Variants in RBFOX1 observed in about 807,000 individuals in gnomAD.
RBFOX1 encodes the protein RNA binding protein fox-1 homolog 1.
RBFOX1 carries 8 observed loss-of-function variants against 57.7 expected under a neutral mutation model. That is an observed-to-expected ratio of 0.14 (90% CI 0.08 to 0.25). The LOEUF (loss-of-function observed/expected upper bound fraction) is 0.25, where lower values mean the gene tolerates loss of function less well. Among genes scored for constraint, RBFOX1 ranks in the 10% least tolerant of loss-of-function variants. The pLI is 1.00. For missense variants in RBFOX1, 611 were observed against 548.5 expected (o/e 1.11, Z -1.14); for synonymous variants, 326 against 222.4 (o/e 1.47, Z -4.15).
In RBFOX1 at chr16:5,692,690, C is replaced by T. The variant is rs115192058; in HGVS notation, c.318+93729C>T. On this transcript the variant is annotated intron_variant, in intron 3 of 19. Coordinates refer to the RBFOX1 transcript ENST00000641259. ...GAATCCCTGGCTGGGGAGCTCAGTG[C>T]CTCATCTAGTAGTTCTTTGTGTACT... 8.1e-3 allele frequency among the ~76,000 whole-genome samples: 1,236 copies of T among 152,194 alleles called. 26 individuals are homozygous for T. Among genetic ancestry groups the T allele is most frequent in the African/African-American group, 0.029 (1,185 of 41,520 alleles).
intron 3 of RBFOX1, among the ~76,000 whole-genome samples, chr16:6,956,874 C>G (rs1157086435): frequency 2.0e-5 from 3 of 152,014 alleles, no homozygotes; most frequent in East Asian, 3.9e-4. Flanking sequence ...GACTTCTTTC[C>G]TCATTTGTCT....
intron 4 of RBFOX1, among the ~76,000 whole-genome samples, chr16:7,056,203 C>G (rs1285698480): frequency 6.6e-6 from 1 of 152,156 alleles, no homozygotes; most frequent in African/African-American, 2.4e-5. Flanking sequence ...GGGCATCAGC[C>G]AGTTACTCCC....
Position 5,632,271 on chromosome 16 carries a change from A to C in RBFOX1, c.318+33310A>C, listed in dbSNP as rs374058515. On this transcript the variant is annotated intron_variant, in intron 3 of 19. Coordinates refer to the RBFOX1 transcript ENST00000641259. ...AGTCTGATGAACGAGAGTAAGGATG[A>C]ATATGGGAGTTACACCTGCTGGGTT... Among the ~76,000 whole-genome samples, 146 of 152,370 alleles carry C rather than the reference A, an allele frequency of 9.6e-4. 4 individuals are homozygous for C. In the South Asian group the frequency reaches 0.029, roughly 31 times the overall value.
At chr16:7,294,985 T>G (rs1372328903) in intron 4 of RBFOX1, among the ~76,000 whole-genome samples, 2 of 152,194 alleles carry the variant, frequency 1.3e-5, no homozygotes, top group Non-Finnish European at 2.9e-5. Flanking sequence ...AAAAATAATC[T>G]ACCTTGCAGG....
At chr16:6,591,261 C>A (rs1003381103) in intron 2 of RBFOX1, among the ~76,000 whole-genome samples, 2 of 152,146 alleles carry the variant, frequency 1.3e-5, no homozygotes, top group Admixed American at 6.6e-5. Context: ...GCCTGGCCAA[C>A]ATGATGAAAC....
intron 3 of RBFOX1, among the ~76,000 whole-genome samples, chr16:6,715,127 G>A (rs1481874481): frequency 6.6e-6 from 1 of 152,102 alleles, no homozygotes; most frequent in Non-Finnish European, 1.5e-5. Flanking sequence ...TTTGCCACTT[G>A]GGACTAAGCC....
rs759729032 is a variant in RBFOX1, at chr16:6,401,640, C to G, written c.-64+84583C>G. ...TTGTAGCTTTCATTTACCCATACCC[C>G]ATTTCAAATCCCTTGTATAATGGAA... On this transcript the variant is annotated intron_variant, in intron 2 of 15. Coordinates refer to ENST00000550418, the MANE Select transcript of RBFOX1 (RefSeq NM_018723.4). Among the ~76,000 whole-genome samples the G allele has an allele frequency of 2.4e-4, 37 of 152,130 alleles. 1 individual carries two copies. The highest frequency in any genetic ancestry group is 2.1e-4 in the Non-Finnish European group (14 of 68,022).
chr16:6,668,407 C>A (rs75121598), intron 3 of RBFOX1, among the ~76,000 whole-genome samples: 1 of 152,188 alleles, frequency 6.6e-6, no homozygotes, highest in South Asian at 2.1e-4. Context: ...TACAAAGCCA[C>A]GTGTTGTGTG....
In RBFOX1 at chr16:7,671,545, G is replaced by C. The variant is rs780590680; in HGVS notation, c.931-5229G>C. On this transcript the variant is annotated intron_variant, in intron 13 of 15. Transcript: ENST00000550418. ...TTTGCATTGAAAACATTACATTTCT[G>C]TTTCCTTATAGAGTAGTGTATCAAG... 15 of 1,603,186 alleles carry C rather than the reference G, an allele frequency of 9.4e-6. No homozygotes were observed. The South Asian group carries it at 1.5e-4, about 17-fold the overall frequency.
At chr16:6,805,432 T>C (rs1218212037) in intron 3 of RBFOX1, among the ~76,000 whole-genome samples, 1 of 152,080 alleles carries the variant, frequency 6.6e-6, no homozygotes, top group African/African-American at 2.4e-5. Context: ...AAAAAATAAC[T>C]TGGGTACTTG....
At chr16:7,223,086 C>T (rs1227750231) in intron 4 of RBFOX1, among the ~76,000 whole-genome samples, 1 of 152,204 alleles carries the variant, frequency 6.6e-6, no homozygotes, top group Admixed American at 6.5e-5. Flanking sequence ...CAGCAGCAGC[C>T]TGGGAGACTA....
chr16:6,507,487 A>G (rs376973677), intron 2 of RBFOX1, among the ~76,000 whole-genome samples: 63 of 145,888 alleles, frequency 4.3e-4, no homozygotes, highest in African/African-American at 1.6e-3. Flanking sequence ...CCTGGGCAAC[A>G]TAACAAGACC....
intron 4 of RBFOX1, among the ~76,000 whole-genome samples, chr16:7,107,607 G>A (rs1020812113): frequency 1.8e-4 from 28 of 152,108 alleles, no homozygotes; most frequent in African/African-American, 4.3e-4. Flanking sequence ...TTCTTCCTAC[G>A]TCGCTGACAT....
intron 3 of RBFOX1, among the ~76,000 whole-genome samples, chr16:6,797,665 C>G (rs933562657): frequency 2.0e-5 from 3 of 152,076 alleles, no homozygotes; most frequent in Admixed American, 1.3e-4. Flanking sequence ...CTGGAAAGGT[C>G]CTAGAGATTT....
intron 2 of RBFOX1, among the ~76,000 whole-genome samples, chr16:6,645,156 T>C (rs2098523615): frequency 1.3e-5 from 2 of 152,152 alleles, no homozygotes; most frequent in Admixed American, 1.3e-4. Context: ...CACATGGCTT[T>C]CTCTTCTGTC....
intron 4 of RBFOX1, among the ~76,000 whole-genome samples, chr16:7,513,877 G>C (rs893915860): frequency 1.3e-5 from 2 of 152,278 alleles, no homozygotes; most frequent in African/African-American, 4.8e-5. Flanking sequence ...CGGATGGAAA[G>C]TAAATTCCCC....
In RBFOX1 at chr16:6,970,388, C is replaced by T. The variant is rs550925043; in HGVS notation, c.-15-81669C>T. ...CAGTTGCAAGACAGGTAGTGCAGTT[C>T]CCTTAATGTTTCACTGACTTAGTCT... On this transcript the variant is annotated intron_variant, in intron 3 of 15. Transcript: ENST00000550418. Among the ~76,000 whole-genome samples the T allele has an allele frequency of 1.5e-4, 23 of 152,214 alleles. 1 individual carries two copies. In the South Asian group the frequency reaches 2.7e-3, roughly 18 times the overall value.
intron 3 of RBFOX1, among the ~76,000 whole-genome samples, chr16:7,016,291 C>T (rs1019932035): frequency 2.0e-5 from 3 of 152,104 alleles, no homozygotes; most frequent in Non-Finnish European, 2.9e-5. Context: ...GTGGTAGATC[C>T]TTCTGCCATA....
At chr16:6,015,257 C>G (rs1256149015), upstream of RBFOX1, among the ~76,000 whole-genome samples, 2 of 152,054 alleles carry the variant, frequency 1.3e-5, no homozygotes, top group Non-Finnish European at 1.5e-5. Context: ...CTTAAAAATC[C>G]TAGAGTACTC....
Sources: gnomAD v4.1 joint callset for allele counts (sites outside exome capture counted in the v4.1 genomes callset) on GRCh38, gnomAD v4.1.1 for gene constraint, MANE v1.5 for transcripts, NCBI Gene and HGNC (gene_info 2026-07-23, HGNC 2026-07-21) for gene names.